CLEC4A: variants seen among roughly 807,000 people sequenced by gnomAD.
CLEC4A encodes C-type lectin domain family 4 member A.
Under a neutral mutation model 32.7 loss-of-function variants are expected in CLEC4A, and 27 were observed. The ratio of observed to expected loss-of-function variants is 0.83; its 90% CI spans 0.61 to 1.14. The LOEUF is 1.14. CLEC4A is among the 50% of genes most tolerant of loss of function. The pLI is 0.00. For synonymous variants in CLEC4A, 89 were observed against 93.7 expected (o/e 0.95, Z 0.29); for missense variants, 253 against 274.6 (o/e 0.92, Z 0.55).
chr12:8,115,507 G>C, the CLEC4A span, among the ~76,000 whole-genome samples: 37 of 152,156 alleles, frequency 2.4e-4, no homozygotes, highest in African/African-American at 8.7e-4. Context: ...AAGGCATCTA[G>C]GGTACTGTAT....
the CLEC4A span, among the ~76,000 whole-genome samples, chr12:8,118,150 T>C: frequency 1.6e-4 from 25 of 152,310 alleles, no homozygotes; most frequent in African/African-American, 6.0e-4. Context: ...TCAATGAATC[T>C]ACATTTTACA....
the CLEC4A span, among the ~76,000 whole-genome samples, chr12:8,111,094 C>G: frequency 6.6e-6 from 1 of 151,378 alleles, no homozygotes; most frequent in South Asian, 2.1e-4. Context: ...AGGATGGTCT[C>G]TATCTCCTGA....
the CLEC4A span, among the ~76,000 whole-genome samples, chr12:8,118,427 C>A: frequency 2.0e-5 from 3 of 151,026 alleles, no homozygotes; most frequent in Middle Eastern, 3.4e-3. Context: ...CTAGGTAATT[C>A]ATAAAGAAAA....
chr12:8,123,806 T>A lies in CLEC4A; in HGVS notation c.-73T>A. 1 of 1,056,844 alleles carries A rather than the reference T, an allele frequency of 9.5e-7. No individual in the cohort carries two copies. The highest frequency in any genetic ancestry group is 1.5e-6 in the Non-Finnish European group (1 of 680,130). 65.5% of individuals were successfully genotyped at this position (1,056,844 alleles called of 1,614,324 possible). A position where few individuals can be genotyped will look rare whatever the true frequency, so the allele number is the denominator to read the frequency against. On this transcript the variant is annotated 5_prime_UTR_variant, in exon 1 of 6. Transcript: ENST00000229332. Reference sequence around the variant, plus strand: ...GGAGGTAATTTACCACCATGTTTGGTTCCTGTTTATAAGATGTTTTAAGAA... The same window carrying A: ...GGAGGTAATTTACCACCATGTTTGGATCCTGTTTATAAGATGTTTTAAGAA...
the CLEC4A span, among the ~76,000 whole-genome samples, chr12:8,117,401 G>C: frequency 1.3e-5 from 2 of 151,966 alleles, no homozygotes; most frequent in Non-Finnish European, 2.9e-5. Context: ...ACCACACCTG[G>C]CTAATTTTTG....
the CLEC4A span, among the ~76,000 whole-genome samples, chr12:8,117,292 G>A: frequency 6.6e-6 from 1 of 151,610 alleles, no homozygotes; most frequent in South Asian, 2.1e-4. Flanking sequence ...AGGCTGGAGT[G>A]CAGTGGCACG....
chr12:8,134,978 T>TTTTTTTTC (rs71042337), intron 3 of CLEC4A: 1 of 305,632 alleles, frequency 3.3e-6, no homozygotes, highest in East Asian at 9.4e-5. Flanking sequence ...GAAGCGTTTT[T>TTTTTTTTC]GTTTTTTGTT....
chr12:8,110,815 C>T, the CLEC4A span, among the ~76,000 whole-genome samples: 2 of 152,110 alleles, frequency 1.3e-5, no homozygotes, highest in Admixed American at 6.6e-5. Flanking sequence ...GCCCTTTTCT[C>T]TCCTCAGTCC....
At chr12:8,116,337 A>G in the CLEC4A span, among the ~76,000 whole-genome samples, 1 of 152,274 alleles carries the variant, frequency 6.6e-6, no homozygotes, top group East Asian at 1.9e-4. Context: ...TCTGGACTCA[A>G]GCGATCCTTC....
At chr12:8,109,760 G>A in the CLEC4A span, among the ~76,000 whole-genome samples, 1 of 152,150 alleles carries the variant, frequency 6.6e-6, no homozygotes, top group South Asian at 2.1e-4. Flanking sequence ...ACAGGGCCTG[G>A]AATATGGTAA....
upstream of CLEC4A, among the ~76,000 whole-genome samples, chr12:8,120,163 A>G (rs73244065): frequency 0.034 from 5,242 of 152,262 alleles, 307 homozygotes; most frequent in African/African-American, 0.12. Flanking sequence ...ACTGGGGTCC[A>G]TTATGTAGGC....
the CLEC4A span, among the ~76,000 whole-genome samples, chr12:8,105,929 T>C: frequency 1.3e-5 from 2 of 152,234 alleles, no homozygotes; most frequent in Non-Finnish European, 2.9e-5. Context: ...TTGTCATAAT[T>C]GGTTTTGGCA....
chr12:8,110,466 A>G, the CLEC4A span, among the ~76,000 whole-genome samples: 5 of 152,238 alleles, frequency 3.3e-5, no homozygotes, highest in South Asian at 8.3e-4. Context: ...ATGCTGCACT[A>G]TTTCATACTA....
chr12:8,122,446 G>C (rs1210971942), upstream of CLEC4A, among the ~76,000 whole-genome samples: 1 of 150,842 alleles, frequency 6.6e-6, no homozygotes, highest in Non-Finnish European at 1.5e-5. Context: ...AGGGTGAGGG[G>C]GATGTTTGTT....
chr12:8,116,488 C>T, the CLEC4A span, among the ~76,000 whole-genome samples: 1 of 152,116 alleles, frequency 6.6e-6, no homozygotes, highest in Non-Finnish European at 1.5e-5. Context: ...GGAGTCACCT[C>T]CTGATTAAAT....
At chr12:8,131,831 T>TATATATATAGATAG (rs1441490289) in intron 3 of CLEC4A, among the ~76,000 whole-genome samples, 1 of 150,584 alleles carries the variant, frequency 6.6e-6, no homozygotes, top group East Asian at 2.0e-4. Context: ...TATCTATATA[T>TATATATATAGATAG]ATATATATCT....
the CLEC4A span, among the ~76,000 whole-genome samples, chr12:8,106,612 G>T: frequency 6.6e-6 from 1 of 152,094 alleles, no homozygotes; most frequent in Admixed American, 6.5e-5. Context: ...TACCTCCCTG[G>T]TTAGCTGTAT....
chr12:8,122,192 T>C (rs371410215), upstream of CLEC4A, among the ~76,000 whole-genome samples: 4 of 151,198 alleles, frequency 2.6e-5, no homozygotes, highest in East Asian at 7.9e-4. Flanking sequence ...GAGGACTTGG[T>C]GTGGGTTTCA....
the CLEC4A span, among the ~76,000 whole-genome samples, chr12:8,105,745 T>A: frequency 2.0e-5 from 3 of 152,294 alleles, no homozygotes; most frequent in East Asian, 5.8e-4. Flanking sequence ...GGGTTGTTTG[T>A]TTTTTGCTTG....
Sources: allele counts gnomAD v4.1 joint callset (sites outside exome capture counted in the v4.1 genomes callset), GRCh38; gene constraint gnomAD v4.1.1; transcripts MANE v1.5; gene names NCBI Gene and HGNC (gene_info 2026-07-23, HGNC 2026-07-21).